CSTPP1: variants seen among roughly 807,000 people sequenced by gnomAD.
The protein encoded by CSTPP1 is centriolar satellite-associated tubulin polyglutamylase complex regulator 1.
chr11:47,037,373 A>G, the CSTPP1 span, among the ~76,000 whole-genome samples: 1 of 101,930 alleles, frequency 9.8e-6, no homozygotes, highest in Non-Finnish European at 2.3e-5. Context: ...TGGTTCTGGC[A>G]ACAATTATTA....
the CSTPP1 span, among the ~76,000 whole-genome samples, chr11:47,147,197 TTA>T: frequency 6.6e-6 from 1 of 152,244 alleles, no homozygotes; most frequent in African/African-American, 2.4e-5. Context: ...CAAGTGTTTG[TTA>T]TGTTATTCTC....
chr11:47,122,413 G>A, the CSTPP1 span, among the ~76,000 whole-genome samples: 230 of 151,998 alleles, frequency 1.5e-3, no homozygotes, highest in Non-Finnish European at 1.3e-3. Flanking sequence ...CTGAGAACGA[G>A]GGACATGGAA....
At chr11:47,067,559 A>G in the CSTPP1 span, among the ~76,000 whole-genome samples, 85 of 152,310 alleles carry the variant, frequency 5.6e-4, 2 homozygotes, top group South Asian at 0.017. Flanking sequence ...AAGAAGAGAC[A>G]CCGGAACTGG....
chr11:47,127,880 T>C, the CSTPP1 span, among the ~76,000 whole-genome samples: 5 of 147,262 alleles, frequency 3.4e-5, no homozygotes, highest in African/African-American at 1.2e-4. Flanking sequence ...ATTATTATTA[T>C]TTTTTTTTTG....
At chr11:47,043,950 AG>A in the CSTPP1 span, among the ~76,000 whole-genome samples, 1 of 152,146 alleles carries the variant, frequency 6.6e-6, no homozygotes, top group Admixed American at 6.5e-5. Context: ...TGAATAATGC[AG>A]GTTCTACAAT....
the CSTPP1 span, among the ~76,000 whole-genome samples, chr11:47,045,061 T>C: frequency 6.6e-6 from 1 of 152,212 alleles, no homozygotes; most frequent in African/African-American, 2.4e-5. Context: ...ATATGAATTA[T>C]AAGAATGATT....
At chr11:46,987,408 G>A in the CSTPP1 span, 1 of 1,003,390 alleles carries the variant, frequency 1.0e-6, no homozygotes, top group Middle Eastern at 2.1e-4. Flanking sequence ...TGCTGATTAG[G>A]TAGTGGCAGT....
chr11:46,960,823 G>A, the CSTPP1 span, among the ~76,000 whole-genome samples: 13 of 151,904 alleles, frequency 8.6e-5, no homozygotes, highest in African/African-American at 2.9e-4. Context: ...CTGCACTCCA[G>A]CCTGGGCAAC....
the CSTPP1 span, among the ~76,000 whole-genome samples, chr11:47,100,020 A>T: frequency 6.6e-6 from 1 of 152,154 alleles, no homozygotes; most frequent in African/African-American, 2.4e-5. Context: ...ACTTTAAAGG[A>T]TTTGCCACTG....
At chr11:47,157,523 C>T in the CSTPP1 span, among the ~76,000 whole-genome samples, 300 of 152,236 alleles carry the variant, frequency 2.0e-3, no homozygotes, top group Non-Finnish European at 3.3e-3. Flanking sequence ...CTTTTCTACA[C>T]AAAGAGAGGG....
the CSTPP1 span, among the ~76,000 whole-genome samples, chr11:46,972,201 A>G: frequency 6.6e-6 from 1 of 152,182 alleles, no homozygotes; most frequent in Non-Finnish European, 1.5e-5. Context: ...CTCCTTATCT[A>G]TTTATAGTAA....
At chr11:47,089,468 T>C in the CSTPP1 span, among the ~76,000 whole-genome samples, 1 of 152,148 alleles carries the variant, frequency 6.6e-6, no homozygotes, top group Non-Finnish European at 1.5e-5. Flanking sequence ...GAACATTAGA[T>C]TGAAGGTAAT....
chr11:47,106,815 T>C, the CSTPP1 span, among the ~76,000 whole-genome samples: 1 of 151,974 alleles, frequency 6.6e-6, no homozygotes, highest in Non-Finnish European at 1.5e-5. Flanking sequence ...TAGGAAGCAA[T>C]TGAAACTGGG....
At chr11:47,090,899 C>T in the CSTPP1 span, among the ~76,000 whole-genome samples, 1 of 146,240 alleles carries the variant, frequency 6.8e-6, no homozygotes, top group African/African-American at 2.5e-5. Context: ...ATTAGCCAGG[C>T]GCGGTGGCGG....
At chr11:47,157,031 G>A in the CSTPP1 span, 1 of 1,613,946 alleles carries the variant, frequency 6.2e-7, no homozygotes, top group East Asian at 2.2e-5. Context: ...AGAATTCCTG[G>A]ACAGTGTGGC....
At chr11:46,947,039 C>T in the CSTPP1 span, among the ~76,000 whole-genome samples, 1 of 152,218 alleles carries the variant, frequency 6.6e-6, no homozygotes, top group Non-Finnish European at 1.5e-5. Context: ...ATGATTAAAT[C>T]TGCTCTGGAT....
the CSTPP1 span, among the ~76,000 whole-genome samples, chr11:47,123,929 G>A: frequency 7.6e-6 from 1 of 131,656 alleles, no homozygotes; most frequent in African/African-American, 2.7e-5. Context: ...TTCAGCCTGG[G>A]TGACAAGAGT....
chr11:47,118,182 G>C, the CSTPP1 span, among the ~76,000 whole-genome samples: 1 of 151,800 alleles, frequency 6.6e-6, no homozygotes, highest in South Asian at 2.1e-4. Context: ...CTGGCCTCTT[G>C]CTGTATTTCA....
chr11:47,150,168 G>C, the CSTPP1 span, among the ~76,000 whole-genome samples: 1 of 152,096 alleles, frequency 6.6e-6, no homozygotes, highest in Non-Finnish European at 1.5e-5. Context: ...TAAACGGACT[G>C]TCCAGACCTG....
Sources: allele counts gnomAD v4.1 joint callset (sites outside exome capture counted in the v4.1 genomes callset), GRCh38; gene constraint gnomAD v4.1.1; transcripts MANE v1.5; gene names NCBI Gene and HGNC (gene_info 2026-07-23, HGNC 2026-07-21).